CSMD1: variants seen among roughly 807,000 people sequenced by gnomAD.
CSMD1 encodes the protein CUB and Sushi multiple domains 1.
CSMD1 carries 213 observed loss-of-function variants against 417.5 expected under a neutral mutation model. The observed-to-expected ratio is 0.51, with a 90% confidence interval of 0.46 to 0.57. The LOEUF is 0.57. Ranked by LOEUF, CSMD1 falls within the 20% of genes least tolerant of loss-of-function variation. The pLI is 0.00. For synonymous variants in CSMD1, 2,862 were observed against 1,736.8 expected (o/e 1.65, Z -16.11); for missense variants, 6,923 against 4,529.7 (o/e 1.53, Z -15.17).
Position 3,302,365 on chromosome 8 carries a change from C to T in CSMD1, c.3950+5330G>A, listed in dbSNP as rs561996410. ...CAGCATCTCCTCCCTTACACTCCTA[C>T]GTCCTTCTTGGCTGAGTTTCCCTGG... On this transcript the variant is annotated intron_variant, in intron 25 of 69. Coordinates refer to ENST00000635120, the MANE Select transcript of CSMD1 (RefSeq NM_033225.6). Among the ~76,000 whole-genome samples, 24 of 152,286 alleles carry T rather than the reference C, an allele frequency of 1.6e-4. 1 individual carries two copies. In the South Asian group the frequency reaches 2.9e-3, roughly 18 times the overall value.
chr8:4,515,415 T>G (rs990131728), intron 2 of CSMD1, among the ~76,000 whole-genome samples: 1 of 152,172 alleles, frequency 6.6e-6, no homozygotes, highest in Non-Finnish European at 1.5e-5. Flanking sequence ...CGTCTTTGTC[T>G]GCTTGACAAA....
chr8:2,960,563 A>G (rs1412443276), intron 62 of CSMD1, among the ~76,000 whole-genome samples: 1 of 152,196 alleles, frequency 6.6e-6, no homozygotes, highest in Non-Finnish European at 1.5e-5. Context: ...ACGTTCACTG[A>G]AGTGTTAGTG....
In CSMD1 at chr8:3,418,131, C is replaced by T. The variant is rs117237818; in HGVS notation, c.1562-8526G>A. On this transcript the variant is annotated intron_variant, in intron 12 of 69. Coordinates refer to ENST00000635120, the MANE Select transcript of CSMD1 (RefSeq NM_033225.6). ...TTTCATACAAATGTGCTTTGTTTGA[C>T]TGAAACAAGAATGAGATGATTCCAA... Among the ~76,000 whole-genome samples, 1,203 of 152,316 alleles carry T rather than the reference C, an allele frequency of 7.9e-3. 6 individuals are homozygous for T. The highest frequency in any genetic ancestry group is 0.021 in the South Asian group (102 of 4,834).
Position 3,850,883 on chromosome 8 carries a change from T to C in CSMD1, c.819-96841A>G, listed in dbSNP as rs535279237. On this transcript the variant is annotated intron_variant, in intron 5 of 69. Coordinates refer to ENST00000635120, the MANE Select transcript of CSMD1 (RefSeq NM_033225.6). ...CTCAAGAAAGAATTTATTTCAGCAT[T>C]ATTATCACAGGAAACAGAGTTTAAA... is the stretch of plus-strand genomic sequence containing the variant. Among the ~76,000 whole-genome samples the C allele has an allele frequency of 2.4e-3, 363 of 152,260 alleles. 4 individuals carry two copies. In the South Asian group the frequency reaches 0.025, roughly 11 times the overall value.
chr8:4,640,067 A>G (rs1355133867), intron 1 of CSMD1, among the ~76,000 whole-genome samples: 3 of 152,254 alleles, frequency 2.0e-5, no homozygotes, highest in Non-Finnish European at 4.4e-5. Context: ...AAAAACGTCA[A>G]CTGGAAAGTA....
intron 1 of CSMD1, among the ~76,000 whole-genome samples, chr8:4,990,636 G>C (rs143110038): frequency 3.5e-4 from 53 of 152,302 alleles, no homozygotes; most frequent in African/African-American, 1.2e-3. Context: ...TGAGATTACA[G>C]GCATGAGCCA....
intron 37 of CSMD1, among the ~76,000 whole-genome samples, chr8:3,175,469 TCTTTTCCCTTCCTTCCTGCCTG>T: frequency 2.7e-5 from 1 of 37,434 alleles, no homozygotes; most frequent in South Asian, 9.8e-4. Context: ...TTTCCTTCCT[TCTTTTCCCTTCCTTCCTGCCTG>T]CCTGCCTGCC....
At chr8:3,567,326 T>G (rs1272565187) in intron 10 of CSMD1, among the ~76,000 whole-genome samples, 1 of 151,930 alleles carries the variant, frequency 6.6e-6, no homozygotes, top group Non-Finnish European at 1.5e-5. Flanking sequence ...GGTACTGGGC[T>G]TAATACCTGG....
chr8:4,617,044 T>C (rs1417983176), intron 2 of CSMD1, among the ~76,000 whole-genome samples: 1 of 152,108 alleles, frequency 6.6e-6, no homozygotes, highest in African/African-American at 2.4e-5. Context: ...TAATTGATGA[T>C]AGTTTAATCT....
chr8:3,906,293 G>GA (rs67199666), intron 5 of CSMD1, among the ~76,000 whole-genome samples: 80 of 150,156 alleles, frequency 5.3e-4, no homozygotes, highest in African/African-American at 1.9e-3. Context: ...TTGTCATAGG[G>GA]AAAAAAAAAA....
intron 18 of CSMD1, among the ~76,000 whole-genome samples, chr8:3,372,984 T>A (rs1037294783): frequency 6.6e-6 from 1 of 152,156 alleles, no homozygotes; most frequent in African/African-American, 2.4e-5. Context: ...TATGATTGGA[T>A]TGGTATGAAT....
At chr8:4,321,947 C>T (rs1331057544) in intron 3 of CSMD1, among the ~76,000 whole-genome samples, 1 of 151,944 alleles carries the variant, frequency 6.6e-6, no homozygotes, top group African/African-American at 2.4e-5. Context: ...CATTTTTTCA[C>T]ATTATCACTA....
chr8:3,994,713 G>T (rs563647551), intron 5 of CSMD1, among the ~76,000 whole-genome samples: 3 of 152,108 alleles, frequency 2.0e-5, no homozygotes, highest in African/African-American at 7.2e-5. Context: ...AGATAATTTT[G>T]GCACATGACA....
At chr8:3,548,351 C>A (rs537695526) in intron 10 of CSMD1, among the ~76,000 whole-genome samples, 1 of 151,958 alleles carries the variant, frequency 6.6e-6, no homozygotes, top group East Asian at 1.9e-4. Context: ...GTTACGTGAT[C>A]GAGTTCTTCA....
intron 33 of CSMD1, among the ~76,000 whole-genome samples, chr8:3,191,399 T>C (rs199935252): frequency 6.6e-6 from 1 of 152,128 alleles, no homozygotes; most frequent in East Asian, 1.9e-4. Context: ...TAAGTTGCAG[T>C]GAGCCAAGAT....
chr8:4,415,918 T>G (rs936947387), intron 3 of CSMD1, among the ~76,000 whole-genome samples: 3 of 152,178 alleles, frequency 2.0e-5, no homozygotes, highest in Non-Finnish European at 2.9e-5. Context: ...TGTACAGACA[T>G]GTGGATAATT....
chr8:4,404,274 C>T (rs1161239904), intron 3 of CSMD1, among the ~76,000 whole-genome samples: 2 of 152,078 alleles, frequency 1.3e-5, no homozygotes, highest in Non-Finnish European at 2.9e-5. Flanking sequence ...TGTCATCTAT[C>T]ACCTTATGAT....
At chr8:3,649,179 C>A (rs997761763) in intron 7 of CSMD1, among the ~76,000 whole-genome samples, 1 of 152,104 alleles carries the variant, frequency 6.6e-6, no homozygotes, top group African/African-American at 2.4e-5. Context: ...AACTTTTCGG[C>A]AATGGCAGGT....
chr8:4,028,103 G>A (rs1409721211), intron 4 of CSMD1, among the ~76,000 whole-genome samples: 1 of 152,096 alleles, frequency 6.6e-6, no homozygotes, highest in Admixed American at 6.6e-5. Flanking sequence ...AGAAAAAAAT[G>A]AAAATGGACA....
Sources: gnomAD v4.1 joint callset for allele counts (sites outside exome capture counted in the v4.1 genomes callset) on GRCh38, gnomAD v4.1.1 for gene constraint, MANE v1.5 for transcripts, NCBI Gene and HGNC (gene_info 2026-07-23, HGNC 2026-07-21) for gene names.